The following OPCML variants were observed in gnomAD, a reference collection of about 807,000 sequenced individuals.
The protein encoded by OPCML is opioid binding protein/cell adhesion molecule like, also known as opioid-binding protein/cell adhesion molecule.
In OPCML, 13 loss-of-function variants were observed where a neutral mutation model predicts 37.8. The ratio of observed to expected loss-of-function variants is 0.34; its 90% CI spans 0.22 to 0.55. OPCML has a LOEUF of 0.55. Ranked by LOEUF, OPCML falls within the 20% of genes least tolerant of loss-of-function variation. The pLI is 0.91. For missense variants in OPCML, 341 were observed against 435.6 expected, an observed-to-expected ratio of 0.78 and a Z score of 1.93; for synonymous variants, 176 against 168.8, an observed-to-expected ratio of 1.04 and a Z score of -0.33.
chr11:133,499,674 T>C lies in OPCML; in HGVS notation c.61+32590A>G, dbSNP rs201415460. Among the ~76,000 whole-genome samples, 10 of 151,380 alleles carry C rather than the reference T, an allele frequency of 6.6e-5. No individual in the cohort carries two copies. The East Asian group carries it at 1.8e-3, about 27-fold the overall frequency. On this transcript the variant is annotated intron_variant, in intron 1 of 7. Transcript: ENST00000524381. ...GGGTCACCCACCTGCTGCCTGGGAG[T>C]AGAAGAGGTTTGTTGGGGTTTTTTT...
chr11:133,395,473 G>A (rs775397512), intron 1 of OPCML, among the ~76,000 whole-genome samples: 3 of 152,138 alleles, frequency 2.0e-5, no homozygotes, highest in Admixed American at 6.5e-5. Context: ...TCTTTGCCCA[G>A]TCCAATGTCC....
At chr11:133,182,444 C>A (rs1314473202) in intron 1 of OPCML, among the ~76,000 whole-genome samples, 2 of 152,128 alleles carry the variant, frequency 1.3e-5, no homozygotes, top group African/African-American at 2.4e-5. Flanking sequence ...TAACACCTTG[C>A]CAGCTGCCTG....
At chr11:132,691,847 GT>G (rs1943416847) in intron 2 of OPCML, among the ~76,000 whole-genome samples, 1 of 152,184 alleles carries the variant, frequency 6.6e-6, no homozygotes, top group Admixed American at 6.5e-5. Flanking sequence ...TTTTATGCTT[GT>G]GACCAGCTTA....
intron 2 of OPCML, among the ~76,000 whole-genome samples, chr11:132,852,582 G>C (rs745474087): frequency 2.0e-5 from 3 of 151,886 alleles, no homozygotes; most frequent in Non-Finnish European, 4.4e-5. Context: ...GGCACCGCGT[G>C]CTTCCCCACC....
intron 1 of OPCML, among the ~76,000 whole-genome samples, chr11:133,356,280 T>G (rs1429769013): frequency 6.6e-6 from 1 of 152,276 alleles, no homozygotes; most frequent in East Asian, 1.9e-4. Flanking sequence ...CGATTATAGG[T>G]GAAGGATGTT....
At chr11:132,582,764 G>T (rs12222850) in intron 3 of OPCML, among the ~76,000 whole-genome samples, 1 of 151,038 alleles carries the variant, frequency 6.6e-6, no homozygotes, top group Non-Finnish European at 1.5e-5. Context: ...AGAGGTAATC[G>T]TTCAGTCATG....
intron 1 of OPCML, among the ~76,000 whole-genome samples, chr11:133,332,449 C>T (rs150683768): frequency 5.3e-4 from 81 of 152,220 alleles, no homozygotes; most frequent in Middle Eastern, 3.4e-3. Context: ...TTGGCTAGCA[C>T]TTCCCATACT....
chr11:132,728,017 G>A (rs1480450434), intron 2 of OPCML, among the ~76,000 whole-genome samples: 2 of 152,166 alleles, frequency 1.3e-5, no homozygotes, highest in South Asian at 2.1e-4. Context: ...GAGGGAGGAA[G>A]AAACAGGTTT....
chr11:133,096,460 A>G (rs1414980980), intron 1 of OPCML, among the ~76,000 whole-genome samples: 1 of 152,000 alleles, frequency 6.6e-6, no homozygotes, highest in African/African-American at 2.4e-5. Flanking sequence ...GGTGTGGAAG[A>G]CAAAAAAATA....
chr11:132,667,299 C>A (rs1942265843), intron 2 of OPCML, among the ~76,000 whole-genome samples: 1 of 152,150 alleles, frequency 6.6e-6, no homozygotes, highest in Non-Finnish European at 1.5e-5. Context: ...CTTTTGTTAG[C>A]CTGCATATCA....
intron 1 of OPCML, among the ~76,000 whole-genome samples, chr11:133,447,416 T>C (rs762811076): frequency 6.6e-6 from 1 of 152,230 alleles, no homozygotes; most frequent in Non-Finnish European, 1.5e-5. Flanking sequence ...CACAGGCTTG[T>C]TGCCTGGTAT....
intron 1 of OPCML, among the ~76,000 whole-genome samples, chr11:133,404,612 G>A (rs1945486843): frequency 6.6e-6 from 1 of 152,220 alleles, no homozygotes; most frequent in Admixed American, 6.5e-5. Context: ...CTGCCTCTTA[G>A]AGCTTGTAGA....
chr11:132,603,851 G>A (rs995827395), intron 3 of OPCML, among the ~76,000 whole-genome samples: 1 of 152,060 alleles, frequency 6.6e-6, no homozygotes, highest in African/African-American at 2.4e-5. Context: ...TTTACATCCT[G>A]TATCCTAGAT....
At chr11:133,238,053 G>C (rs11607577) in intron 1 of OPCML, among the ~76,000 whole-genome samples, 20,322 of 152,244 alleles carry the variant, frequency 0.13, 2,232 homozygotes, top group East Asian at 0.54. Context: ...GATGGAGAGA[G>C]TGAACTCAAA....
intron 1 of OPCML, among the ~76,000 whole-genome samples, chr11:133,096,277 G>C (rs1949002227): frequency 6.6e-6 from 1 of 151,738 alleles, no homozygotes; most frequent in African/African-American, 2.4e-5. Flanking sequence ...CCCATGAATA[G>C]GTATATTATT....
At chr11:133,137,932 T>A (rs1282253547) in intron 1 of OPCML, among the ~76,000 whole-genome samples, 1 of 152,156 alleles carries the variant, frequency 6.6e-6, no homozygotes, top group African/African-American at 2.4e-5. Flanking sequence ...AAATACAGGT[T>A]CCTTTTTCAA....
At chr11:133,421,978 T>C (rs756784463) in intron 1 of OPCML, among the ~76,000 whole-genome samples, 69 of 152,138 alleles carry the variant, frequency 4.5e-4, no homozygotes, top group Non-Finnish European at 8.8e-4. Flanking sequence ...TTCTTTTTTT[T>C]AAATTATACT....
chr11:132,919,697 T>G (rs962543127), intron 2 of OPCML, among the ~76,000 whole-genome samples: 4 of 152,138 alleles, frequency 2.6e-5, no homozygotes, highest in African/African-American at 9.7e-5. Context: ...TACCGTGATG[T>G]GTTGAATTGC....
intron 3 of OPCML, among the ~76,000 whole-genome samples, chr11:132,601,515 C>T (rs1326283086): frequency 2.0e-5 from 3 of 150,980 alleles, no homozygotes; most frequent in Non-Finnish European, 3.0e-5. Flanking sequence ...CTCCATCCTT[C>T]TCCTCACCTT....
Sources: gnomAD v4.1 joint callset for allele counts (sites outside exome capture counted in the v4.1 genomes callset) on GRCh38, gnomAD v4.1.1 for gene constraint, MANE v1.5 for transcripts, NCBI Gene and HGNC (gene_info 2026-07-23, HGNC 2026-07-21) for gene names.